Variants in SGCD observed in about 807,000 individuals in gnomAD.
SGCD encodes the protein delta-sarcoglycan.
In SGCD, 18 loss-of-function variants were observed where a neutral mutation model predicts 36.6. That is an observed-to-expected ratio of 0.49 (90% CI 0.34 to 0.73). SGCD has a LOEUF of 0.73. Ranked by LOEUF, SGCD falls within the 30% of genes least tolerant of loss-of-function variation. SGCD has a pLI of 0.01. For synonymous variants in SGCD, 133 were observed against 130.6 expected (o/e 1.02, Z -0.12); for missense variants, 387 against 346.7 (o/e 1.12, Z -0.92).
intron 3 of SGCD, among the ~76,000 whole-genome samples, chr5:156,192,296 C>T (rs910262535): frequency 2.0e-5 from 3 of 152,096 alleles, no homozygotes; most frequent in African/African-American, 7.2e-5. Context: ...AATAGTATTC[C>T]AGTATATATA....
intron 1 of SGCD, among the ~76,000 whole-genome samples, chr5:155,975,370 A>G (rs1377023600): frequency 6.6e-6 from 1 of 152,058 alleles, no homozygotes; most frequent in East Asian, 1.9e-4. Context: ...TTTGATTTTC[A>G]TGAACAGGAG....
intron 3 of SGCD, among the ~76,000 whole-genome samples, chr5:156,185,845 A>ATGTGTGTGTGTGTG (rs376393608): frequency 2.0e-5 from 1 of 50,310 alleles, no homozygotes; most frequent in Admixed American, 2.7e-4. Context: ...ATATATATAT[A>ATGTGTGTGTGTGTG]TATATAGAGA....
Position 156,565,264 on chromosome 5 carries a change from A to G in SGCD, c.295-23967A>G, listed in dbSNP as rs988961466. Among the ~76,000 whole-genome samples, 4 of 152,324 alleles carry G rather than the reference A, an allele frequency of 2.6e-5. No individual in the cohort carries two copies. The East Asian group carries it at 5.8e-4, about 22-fold the overall frequency. ...GAAATGTTAGTTTCCACAGTAAGTA[A>G]TAGATTTCTTGAAATATTAGCCTTA... On this transcript the variant is annotated intron_variant, in intron 4 of 8. Transcript: ENST00000337851.
the SGCD span, among the ~76,000 whole-genome samples, chr5:155,790,533 A>T: frequency 6.6e-6 from 1 of 152,066 alleles, no homozygotes; most frequent in African/African-American, 2.4e-5. Flanking sequence ...TATCAAAGTG[A>T]TTTACCATAT....
At chr5:156,542,317 C>G (rs1226127750) in intron 4 of SGCD, among the ~76,000 whole-genome samples, 1 of 152,146 alleles carries the variant, frequency 6.6e-6, no homozygotes, top group East Asian at 1.9e-4. Flanking sequence ...CCCCACCACT[C>G]TTTTTGGTCT....
At chr5:155,959,629 A>G (rs1757749756) in intron 1 of SGCD, among the ~76,000 whole-genome samples, 1 of 152,174 alleles carries the variant, frequency 6.6e-6, no homozygotes, top group Non-Finnish European at 1.5e-5. Flanking sequence ...GAATTCAATT[A>G]AATGCTAAGT....
chr5:155,782,949 GA>G, the SGCD span, among the ~76,000 whole-genome samples: 7 of 151,566 alleles, frequency 4.6e-5, no homozygotes, highest in Non-Finnish European at 8.8e-5. Flanking sequence ...AAGAGATTGG[GA>G]AAAAAAATGA....
chr5:155,902,228 G>A (rs1189581733), intron 1 of SGCD, among the ~76,000 whole-genome samples: 1 of 152,148 alleles, frequency 6.6e-6, no homozygotes, highest in East Asian at 1.9e-4. Context: ...ATGTAACTAA[G>A]TCTTAGAGGT....
At chr5:156,176,068 T>C (rs1205580791) in intron 3 of SGCD, among the ~76,000 whole-genome samples, 3 of 152,068 alleles carry the variant, frequency 2.0e-5, no homozygotes, top group African/African-American at 7.2e-5. Context: ...TTTCAAAGTT[T>C]CTCTTGGTTT....
intron 3 of SGCD, among the ~76,000 whole-genome samples, chr5:156,247,967 G>C (rs1312474826): frequency 6.6e-6 from 1 of 152,244 alleles, no homozygotes; most frequent in African/African-American, 2.4e-5. Flanking sequence ...TGAAGGAACA[G>C]AGTATGGTTC....
At chr5:156,491,745 A>G (rs1227837600) in intron 3 of SGCD, among the ~76,000 whole-genome samples, 1 of 152,176 alleles carries the variant, frequency 6.6e-6, no homozygotes, top group Admixed American at 6.6e-5. Flanking sequence ...AATTCTTACC[A>G]AACTATGCCC....
chr5:156,542,470 G>A (rs1758387427), intron 4 of SGCD, among the ~76,000 whole-genome samples: 1 of 152,158 alleles, frequency 6.6e-6, no homozygotes. Flanking sequence ...TACATTGTAT[G>A]AGTGCAATCT....
At chr5:156,525,542 A>AT (rs1163214337) in intron 4 of SGCD, among the ~76,000 whole-genome samples, 5,029 of 145,590 alleles carry the variant, frequency 0.035, 87 homozygotes, top group African/African-American at 0.06. Flanking sequence ...CATTTTGTTG[A>AT]TTTTTTTTTT....
intron 7 of SGCD, among the ~76,000 whole-genome samples, chr5:156,681,529 T>C (rs1246534407): frequency 6.6e-6 from 1 of 152,204 alleles, no homozygotes; most frequent in East Asian, 1.9e-4. Context: ...TACTTAGTGC[T>C]GCGGTTCCAG....
chr5:155,855,107 G>C, the SGCD span, among the ~76,000 whole-genome samples: 1 of 152,030 alleles, frequency 6.6e-6, no homozygotes, highest in Non-Finnish European at 1.5e-5. Flanking sequence ...ACTCTGGACC[G>C]ACCTTTAACT....
the SGCD span, among the ~76,000 whole-genome samples, chr5:155,758,705 A>G: frequency 3.9e-5 from 6 of 152,264 alleles, no homozygotes; most frequent in South Asian, 1.2e-3. Flanking sequence ...GTGCCTGAAG[A>G]TCTGAAGTAG....
intron 3 of SGCD, among the ~76,000 whole-genome samples, chr5:156,259,410 G>T (rs1207845681): frequency 6.6e-6 from 1 of 151,626 alleles, no homozygotes; most frequent in Non-Finnish European, 1.5e-5. Flanking sequence ...TCTATAGTTT[G>T]TCTACTCATT....
chr5:156,158,837 G>T (rs1454181626), intron 3 of SGCD, among the ~76,000 whole-genome samples: 4 of 151,444 alleles, frequency 2.6e-5, no homozygotes, highest in Non-Finnish European at 5.9e-5. Flanking sequence ...ATACTAGCAT[G>T]ATAGAAAGGA....
chr5:156,107,783 T>C (rs1320642143), intron 1 of SGCD, among the ~76,000 whole-genome samples: 1 of 152,202 alleles, frequency 6.6e-6, no homozygotes, highest in Non-Finnish European at 1.5e-5. Context: ...TGTCTACTAA[T>C]GTTTTTCAAC....
Sources: gnomAD v4.1 joint callset for allele counts (sites outside exome capture counted in the v4.1 genomes callset) on GRCh38, gnomAD v4.1.1 for gene constraint, MANE v1.5 for transcripts, NCBI Gene and HGNC (gene_info 2026-07-23, HGNC 2026-07-21) for gene names.